Variants in ILRUN observed in about 807,000 individuals in gnomAD.
ILRUN encodes inflammation and lipid regulator with UBA-like and NBR1-like domains, also known as protein ILRUN.
ILRUN carries 3 observed loss-of-function variants against 33.8 expected under a neutral mutation model. That is an observed-to-expected ratio of 0.09 (90% confidence interval 0.04 to 0.23). ILRUN has a LOEUF of 0.23. ILRUN is among the 10% of genes least tolerant of loss of function. ILRUN has a pLI of 1.00. For synonymous variants in ILRUN, 124 were observed against 138.9 expected (o/e 0.89, Z 0.75); for missense variants, 210 against 375.1 (o/e 0.56, Z 3.64).
At chr6:34,634,855 C>T (rs1229792359) in intron 3 of ILRUN, among the ~76,000 whole-genome samples, 1 of 150,860 alleles carries the variant, frequency 6.6e-6, no homozygotes, top group Non-Finnish European at 1.5e-5. Flanking sequence ...AGAATAACAC[C>T]AATTCTATAA....
intron 3 of ILRUN, among the ~76,000 whole-genome samples, chr6:34,620,036 G>A (rs951033631): frequency 6.7e-5 from 10 of 148,286 alleles, no homozygotes; most frequent in African/African-American, 2.2e-4. Flanking sequence ...GTAGTTATAA[G>A]ATTGTCTTAG....
intron 3 of ILRUN, among the ~76,000 whole-genome samples, chr6:34,631,391 G>A (rs557584652): frequency 6.6e-5 from 10 of 151,434 alleles, no homozygotes; most frequent in African/African-American, 1.9e-4. Context: ...GCAGTGGCGC[G>A]ATCTCGGCTC....
chr6:34,597,935 T>G (rs1331226821), intron 4 of ILRUN, among the ~76,000 whole-genome samples: 1 of 152,188 alleles, frequency 6.6e-6, no homozygotes, highest in East Asian at 1.9e-4. Context: ...AGGGATCAAT[T>G]TCTTGATTAC....
At chr6:34,644,883 G>A (rs1762536975) in intron 3 of ILRUN, among the ~76,000 whole-genome samples, 1 of 152,124 alleles carries the variant, frequency 6.6e-6, no homozygotes, top group African/African-American at 2.4e-5. Context: ...GCATGGAGAA[G>A]TGAAAGCATA....
intron 1 of ILRUN, among the ~76,000 whole-genome samples, chr6:34,656,080 C>T (rs1562020360): frequency 1.3e-5 from 2 of 151,572 alleles, no homozygotes; most frequent in African/African-American, 4.9e-5. Flanking sequence ...AAAAAAAGTA[C>T]AAAAAATTAG....
chr6:34,596,982 T>C (rs1007539410), intron 4 of ILRUN, among the ~76,000 whole-genome samples: 3 of 152,008 alleles, frequency 2.0e-5, no homozygotes, highest in Non-Finnish European at 4.4e-5. Flanking sequence ...CCATCCTTCC[T>C]CTATCATCCA....
chr6:34,688,001 G>A (rs1204880701), intron 1 of ILRUN, among the ~76,000 whole-genome samples: 1 of 151,774 alleles, frequency 6.6e-6, no homozygotes, highest in Non-Finnish European at 1.5e-5. Context: ...TTACTACTCA[G>A]AATAGTCAAA....
chr6:34,648,369 C>T (rs1762599506), intron 2 of ILRUN, among the ~76,000 whole-genome samples: 2 of 152,076 alleles, frequency 1.3e-5, no homozygotes, highest in Non-Finnish European at 2.9e-5. Flanking sequence ...TGGAAAGAAA[C>T]CAGACAGAGA....
chr6:34,683,482 A>ACG (rs1763439621), intron 1 of ILRUN, among the ~76,000 whole-genome samples: 2 of 101,634 alleles, frequency 2.0e-5, no homozygotes, highest in Admixed American at 2.0e-4. Flanking sequence ...ACACATATAT[A>ACG]TATACATATA....
chr6:34,594,814 G>A (rs572358181), intron 4 of ILRUN, among the ~76,000 whole-genome samples: 1 of 152,312 alleles, frequency 6.6e-6, no homozygotes, highest in East Asian at 1.9e-4. Flanking sequence ...GTCCTGAACT[G>A]CATTTCCACA....
At chr6:34,663,061 A>G (rs985004235) in intron 1 of ILRUN, among the ~76,000 whole-genome samples, 3 of 152,152 alleles carry the variant, frequency 2.0e-5, no homozygotes, top group African/African-American at 7.2e-5. Context: ...GCCACCCTAC[A>G]CGAGCCTGGA....
At chr6:34,684,075 AC>A (rs960783619) in intron 1 of ILRUN, among the ~76,000 whole-genome samples, 3 of 151,420 alleles carry the variant, frequency 2.0e-5, no homozygotes, top group African/African-American at 7.3e-5. Context: ...TCTGTACCCC[AC>A]CCCCCAAAAA....
chr6:34,651,625 G>A (rs1762670265), intron 2 of ILRUN, among the ~76,000 whole-genome samples: 3 of 151,748 alleles, frequency 2.0e-5, no homozygotes, highest in Admixed American at 1.3e-4. Context: ...CAGAAAGCCA[G>A]GCCATTTTCA....
chr6:34,613,216 AAACAACAACAACAAC>A (rs35446561), intron 3 of ILRUN, among the ~76,000 whole-genome samples: 3 of 150,272 alleles, frequency 2.0e-5, no homozygotes, highest in South Asian at 2.1e-4. Flanking sequence ...CCTGTCTCAA[AAACAACAACAACAAC>A]AACAACAACA....
intron 1 of ILRUN, among the ~76,000 whole-genome samples, chr6:34,670,146 C>G (rs1763086424): frequency 6.6e-6 from 1 of 152,140 alleles, no homozygotes. Flanking sequence ...CTTCTGACCT[C>G]AGGCAACCCA....
chr6:34,693,028 C>A (rs1400485207), intron 1 of ILRUN, among the ~76,000 whole-genome samples: 1 of 152,032 alleles, frequency 6.6e-6, no homozygotes, highest in African/African-American at 2.4e-5. Flanking sequence ...TAGTGAGCCA[C>A]AGCTGTGCCA....
intron 3 of ILRUN, among the ~76,000 whole-genome samples, chr6:34,625,328 A>G (rs1242441839): frequency 6.6e-6 from 1 of 152,152 alleles, no homozygotes; most frequent in Non-Finnish European, 1.5e-5. Context: ...GTGAGCACAG[A>G]GCTCTGGGGG....
intron 3 of ILRUN, among the ~76,000 whole-genome samples, chr6:34,631,632 T>C (rs1762247904): frequency 6.6e-6 from 1 of 152,122 alleles, no homozygotes; most frequent in African/African-American, 2.4e-5. Context: ...CACAGCCTAA[T>C]ACATTTTATT....
At chr6:34,682,535 G>A (rs1455155748) in intron 1 of ILRUN, among the ~76,000 whole-genome samples, 6 of 151,932 alleles carry the variant, frequency 3.9e-5, no homozygotes, top group African/African-American at 1.2e-4. Flanking sequence ...AGGGATTACA[G>A]GGGTGAGCCA....
Sources: gnomAD v4.1 joint callset for allele counts (sites outside exome capture counted in the v4.1 genomes callset) on GRCh38, gnomAD v4.1.1 for gene constraint, MANE v1.5 for transcripts, NCBI Gene and HGNC (gene_info 2026-07-23, HGNC 2026-07-21) for gene names.